Variants in CKS1B observed in about 807,000 individuals in gnomAD.
The protein encoded by CKS1B is CDC28 protein kinase regulatory subunit 1B.
A neutral mutation model predicts 12.2 loss-of-function variants in CKS1B; 5 were observed. That is an observed-to-expected ratio of 0.41 (90% CI 0.21 to 0.86). The LOEUF (loss-of-function observed/expected upper bound fraction) is 0.86, where lower values mean the gene tolerates loss of function less well. Ranked by LOEUF, CKS1B falls within the 40% of genes least tolerant of loss-of-function variation. CKS1B has a pLI of 0.32. For synonymous variants in CKS1B, 24 were observed against 34.4 expected, an observed-to-expected ratio of 0.70 and a Z score of 1.06; for missense variants, 53 against 99.9, an observed-to-expected ratio of 0.53 and a Z score of 2.00.
intron 2 of CKS1B, 114 bp downstream of exon 2, chr1:154,978,228 C>T (rs1657237863): frequency 3.5e-6 from 4 of 1,127,624 alleles, no homozygotes; most frequent in Non-Finnish European, 4.8e-6. Context: ...TTCCTTCCCC[C>T]TCCAGTCGTG....
At chr1:154,977,773 G>GT (rs1657226808) in intron 1 of CKS1B, 2 of 517,698 alleles carry the variant, frequency 3.9e-6, no homozygotes. Flanking sequence ...CTCATTCACT[G>GT]GAATTATTCA....
chr1:154,976,044 A>G (rs529197586), intron 1 of CKS1B, among the ~76,000 whole-genome samples: 3 of 152,240 alleles, frequency 2.0e-5, no homozygotes, highest in South Asian at 4.2e-4. Flanking sequence ...GATTTTACCT[A>G]TATAACAAAC....
rs746079659 is a variant in CKS1B, at chr1:154,978,746, G to A, written c.209G>A (p.Arg70Gln). The A allele has an allele frequency of 6.8e-6, 11 of 1,613,330 alleles. No homozygotes were observed. The highest frequency in any genetic ancestry group is 2.2e-5 in the South Asian group (2 of 90,992). Reference protein sequence around the residue: ...HEPEPHILLFRRPLPKKPKK With the variant: ...HEPEPHILLFQRPLPKKPKK Reference sequence around the variant, plus strand: ...TCAGAACCTCACATCTTGCTGTTCCGGCGCCCACTACCCAAGAAACCAAAG... The same window carrying A: ...TCAGAACCTCACATCTTGCTGTTCCAGCGCCCACTACCCAAGAAACCAAAG... Residue 70 changes from arginine (R) to glutamine (Q), a missense_variant, in exon 3 of 3, where the codon CGG (arginine) becomes CAG (glutamine). Arg to Gln is a conservative substitution (Grantham distance 43). Transcript: ENST00000308987.
At chr1:154,977,804 A>G (rs1279035242) in intron 1 of CKS1B, 183 bp from the exon 2 acceptor site, 1 of 578,078 alleles carries the variant, frequency 1.7e-6, no homozygotes, top group African/African-American at 1.9e-5. Context: ...TTTTTAATAT[A>G]CTCTCGGAAT....
Position 154,979,178 on chromosome 1 carries a change from A to C in CKS1B, c.*401A>C, listed in dbSNP as rs1657260458. 5.5e-6 allele frequency: 1 copy of C among 181,326 alleles called. No individual in the cohort carries two copies. Among genetic ancestry groups the C allele is most frequent in the Admixed American group, 5.8e-5 (1 of 17,168 alleles). 11.2% of individuals were successfully genotyped at this position (181,326 alleles called of 1,614,324 possible). A position where few individuals can be genotyped will look rare whatever the true frequency, so the allele number is the denominator to read the frequency against. Reference sequence around the variant, plus strand: ...GCGGATTTATGTTTCAGTGTACTGGAAACTTTCCATTTTATTCAAGAAATC... The same window carrying C: ...GCGGATTTATGTTTCAGTGTACTGGCAACTTTCCATTTTATTCAAGAAATC... On this transcript the variant is annotated 3_prime_UTR_variant, in exon 3 of 3. Coordinates refer to ENST00000308987, the MANE Select transcript of CKS1B (RefSeq NM_001826.3).
intron 1 of CKS1B, chr1:154,977,652 T>G: frequency 4.7e-6 from 1 of 212,854 alleles, no homozygotes; most frequent in East Asian, 1.2e-4. Context: ...TCTTCCTTCC[T>G]TCTAATTATT....
At chr1:154,976,507 A>G (rs1657190379) in intron 1 of CKS1B, among the ~76,000 whole-genome samples, 1 of 152,254 alleles carries the variant, frequency 6.6e-6, no homozygotes, top group Non-Finnish European at 1.5e-5. Flanking sequence ...GTGCATTGAC[A>G]AATACATAAT....
rs1051798365 is a variant in CKS1B, at chr1:154,978,502, C to G, written c.188-223C>G. Reference sequence around the variant, plus strand: ...GCTGCCAGGCAAAACTAATAAGGGACACCCTGGGGCTGTATAAACATAGCA... The same window carrying G: ...GCTGCCAGGCAAAACTAATAAGGGAGACCCTGGGGCTGTATAAACATAGCA... On this transcript the variant is annotated intron_variant, in intron 2 of 2. Coordinates refer to ENST00000308987, the MANE Select transcript of CKS1B (RefSeq NM_001826.3). 1.6e-5 allele frequency: 9 copies of G among 558,338 alleles called. No individual in the cohort carries two copies. The African/African-American group carries it at 1.7e-4, about 11-fold the overall frequency. 34.6% of individuals were successfully genotyped at this position (558,338 alleles called of 1,614,324 possible). A position where few individuals can be genotyped will look rare whatever the true frequency, so the allele number is the denominator to read the frequency against.
intron 1 of CKS1B, chr1:154,977,717 C>T (rs1657225236): frequency 5.0e-6 from 2 of 398,876 alleles, no homozygotes; most frequent in Non-Finnish European, 9.1e-6. Context: ...AACTAGAAGA[C>T]TATAAGGTCC....
chr1:154,977,048 G>A (rs1444943778), intron 1 of CKS1B, among the ~76,000 whole-genome samples: 2 of 152,108 alleles, frequency 1.3e-5, no homozygotes, highest in African/African-American at 4.8e-5. Context: ...TAAGAGACAA[G>A]GTCTTGCTTT....
At chr1:154,974,971 G>C (rs1657108732) in intron 1 of CKS1B, 167 bp downstream of exon 1, 1 of 1,601,726 alleles carries the variant, frequency 6.2e-7, no homozygotes, top group East Asian at 2.2e-5. Context: ...GCGGAGGTGG[G>C]AGGCGCTCGT....
rs1304610907 is a variant in CKS1B, at chr1:154,977,989, A to G, written c.62A>G (p.His21Arg). The change falls in exon 2 of 3, where the codon CAT becomes CGT. Residue 21 changes from histidine to arginine, a missense_variant and splice_region_variant. By Grantham distance (29) the His-to-Arg change is conservative. Transcript: ENST00000308987. Reference protein sequence around the residue: ...KYDDEEFEYRHVMLPKDIAKL... With the variant: ...KYDDEEFEYRRVMLPKDIAKL... ...CCACTTCCCCGTTTCTGTTACAGACATGTCATGCTGCCCAAGGACATAGCC... is the reference window on the plus strand; with the variant it reads ...CCACTTCCCCGTTTCTGTTACAGACGTGTCATGCTGCCCAAGGACATAGCC... The G allele has an allele frequency of 6.2e-7, 1 of 1,613,080 alleles. No homozygotes were observed. The highest frequency in any genetic ancestry group is 1.3e-5 in the African/African-American group (1 of 74,876).
At chr1:154,975,396 AC>A (rs1471589925) in intron 1 of CKS1B, 2 of 197,394 alleles carry the variant, frequency 1.0e-5, no homozygotes, top group African/African-American at 4.7e-5. Context: ...GGGAACAGTT[AC>A]GGAATACTTA....
chr1:154,975,552 A>G (rs1041500728), intron 1 of CKS1B: 1 of 155,816 alleles, frequency 6.4e-6, no homozygotes, highest in African/African-American at 2.4e-5. Context: ...TGATGGGAGC[A>G]CACAAGACTT....
intron 1 of CKS1B, 46 bp downstream of exon 1, chr1:154,974,850 C>A (rs1412495419): frequency 1.9e-6 from 3 of 1,613,946 alleles, no homozygotes; most frequent in Non-Finnish European, 2.5e-6. Flanking sequence ...GAGCTTTGGC[C>A]GCTGAGGGCA....
intron 2 of CKS1B, 59 bp from the exon 3 acceptor site, chr1:154,978,666 C>T: frequency 1.4e-6 from 2 of 1,429,074 alleles, no homozygotes; most frequent in South Asian, 2.3e-5. Context: ...GTGGAATACA[C>T]TATAGGTTGT....
Position 154,978,722 on chromosome 1 carries a change from C to A in CKS1B, c.188-3C>A. ...GTCTCTTAGATTTCCCTCACTCTTT[C>A]AGAACCTCACATCTTGCTGTTCCGG... On this transcript the variant is annotated splice_polypyrimidine_tract_variant and splice_region_variant and intron_variant, in intron 2 of 2. Transcript: ENST00000308987. 6.2e-7 allele frequency: 1 copy of A among 1,613,782 alleles called. No homozygotes were observed. The highest frequency in any genetic ancestry group is 1.1e-5 in the South Asian group (1 of 91,044).
At chr1:154,977,028 A>AT (rs920206001) in intron 1 of CKS1B, among the ~76,000 whole-genome samples, 17 of 150,532 alleles carry the variant, frequency 1.1e-4, no homozygotes, top group Admixed American at 4.0e-4. Context: ...GATAGATTTA[A>AT]TTTTTTTTTT....
intron 2 of CKS1B, 68 bp downstream of exon 2, chr1:154,978,182 A>G: frequency 6.8e-7 from 1 of 1,476,234 alleles, no homozygotes; most frequent in Non-Finnish European, 9.2e-7. Flanking sequence ...ATAAGATTGT[A>G]TAACCCAAAT....
Sources: allele counts gnomAD v4.1 joint callset (sites outside exome capture counted in the v4.1 genomes callset), GRCh38; gene constraint gnomAD v4.1.1; transcripts MANE v1.5; gene names NCBI Gene and HGNC (gene_info 2026-07-23, HGNC 2026-07-21).